Variants in TRHDE observed in about 807,000 individuals in gnomAD.
TRHDE encodes thyrotropin-releasing hormone-degrading ectoenzyme.
In TRHDE, 72 loss-of-function variants were observed where a neutral mutation model predicts 125.7. The observed-to-expected ratio is 0.57, with a 90% CI of 0.47 to 0.70. TRHDE has a LOEUF of 0.70. TRHDE is among the 30% of genes least tolerant of loss of function. The probability of loss-of-function intolerance (pLI) is 0.00; values close to 1 mark genes in which losing one functional copy is unlikely to be tolerated. For synonymous variants in TRHDE, 509 were observed against 509.1 expected (o/e 1.00, Z 0.00); for missense variants, 1,110 against 1,327.1 (o/e 0.84, Z 2.54).
At chr12:72,221,351 A>C (rs1009220731) in intron 2 of TRHDE, among the ~76,000 whole-genome samples, 19 of 152,128 alleles carry the variant, frequency 1.2e-4, no homozygotes, top group African/African-American at 4.3e-4. Context: ...GAAAGCTTAA[A>C]TATATGAAGA....
chr12:72,622,809 C>T (rs1012303731), intron 15 of TRHDE, among the ~76,000 whole-genome samples: 12 of 152,044 alleles, frequency 7.9e-5, no homozygotes, highest in African/African-American at 2.9e-4. Context: ...GAATCTTTCA[C>T]TACATTATTT....
At chr12:72,209,892 T>C (rs539382871) in intron 2 of TRHDE, among the ~76,000 whole-genome samples, 1 of 152,206 alleles carries the variant, frequency 6.6e-6, no homozygotes, top group Non-Finnish European at 1.5e-5. Context: ...AAATCCTTCA[T>C]GCTGCTTGAA....
At chr12:72,158,995 C>T (rs964594117) in intron 2 of TRHDE, among the ~76,000 whole-genome samples, 1 of 152,174 alleles carries the variant, frequency 6.6e-6, no homozygotes, top group African/African-American at 2.4e-5. Context: ...TTAATATATT[C>T]AGAACTTCTA....
chr12:72,643,105 A>ATTC lies in TRHDE; in HGVS notation c.2676-9216_2676-9214dup, dbSNP rs1874135185. 2.6e-5 allele frequency among the ~76,000 whole-genome samples: 4 copies of ATTC among 152,256 alleles called. No homozygotes were observed. The South Asian group carries it at 8.3e-4, about 32-fold the overall frequency. On this transcript the variant is annotated intron_variant, in intron 15 of 18. Transcript: ENST00000261180. ...AAATGATCTTGTGAACTTTAGATTG[A>ATTC]TTCATCTGCTGCATGGATAAAAAAC... is the stretch of plus-strand genomic sequence containing the variant.
At chr12:72,190,916 C>G (rs1877325489) in intron 2 of TRHDE, among the ~76,000 whole-genome samples, 1 of 152,094 alleles carries the variant, frequency 6.6e-6, no homozygotes, top group African/African-American at 2.4e-5. Flanking sequence ...TAAATAAGCC[C>G]TTTGTGTTGT....
chr12:72,160,490 T>C (rs1267607563), intron 2 of TRHDE, among the ~76,000 whole-genome samples: 1 of 152,018 alleles, frequency 6.6e-6, no homozygotes, highest in Non-Finnish European at 1.5e-5. Flanking sequence ...TTTTCAACAC[T>C]AGCCTGCCAA....
intron 6 of TRHDE, among the ~76,000 whole-genome samples, chr12:72,520,821 A>G (rs1879159766): frequency 1.3e-5 from 2 of 152,198 alleles, no homozygotes; most frequent in South Asian, 4.1e-4. Context: ...CAATTTTATC[A>G]TCTATATTCT....
intron 2 of TRHDE, among the ~76,000 whole-genome samples, chr12:72,131,979 A>G (rs977767459): frequency 6.6e-6 from 1 of 152,234 alleles, no homozygotes; most frequent in Non-Finnish European, 1.5e-5. Context: ...ATCAAGGACA[A>G]TAATACAACC....
intron 1 of TRHDE, among the ~76,000 whole-genome samples, chr12:72,279,398 C>CCAT (rs1565682114): frequency 5.3e-5 from 8 of 152,098 alleles, no homozygotes; most frequent in African/African-American, 1.4e-4. Context: ...TTCATCATCA[C>CCAT]CATCATCATC....
At chr12:72,437,477 T>G (rs1226290609) in intron 3 of TRHDE, among the ~76,000 whole-genome samples, 2 of 151,910 alleles carry the variant, frequency 1.3e-5, no homozygotes, top group Non-Finnish European at 2.9e-5. Context: ...CAAACAATAC[T>G]GAATGGGAAA....
chr12:72,302,343 G>A (rs375497175), intron 2 of TRHDE, among the ~76,000 whole-genome samples: 5 of 151,824 alleles, frequency 3.3e-5, no homozygotes, highest in Non-Finnish European at 5.9e-5. Flanking sequence ...GGAGGAAAAC[G>A]ACATACAACT....
At chr12:72,409,061 G>T (rs1355607006) in intron 3 of TRHDE, among the ~76,000 whole-genome samples, 1 of 152,086 alleles carries the variant, frequency 6.6e-6, no homozygotes, top group African/African-American at 2.4e-5. Flanking sequence ...AAGCATGACA[G>T]GTGGAAAGAA....
At chr12:72,290,202 G>A (rs1329309760) in intron 2 of TRHDE, among the ~76,000 whole-genome samples, 3 of 152,158 alleles carry the variant, frequency 2.0e-5, no homozygotes, top group African/African-American at 7.2e-5. Flanking sequence ...AGCAGATACT[G>A]TGTGCATATA....
chr12:72,214,063 G>A (rs941995138), intron 2 of TRHDE, among the ~76,000 whole-genome samples: 5 of 151,026 alleles, frequency 3.3e-5, no homozygotes, highest in African/African-American at 1.2e-4. Context: ...TTTACTCAAT[G>A]AAGATCAAGA....
intron 2 of TRHDE, among the ~76,000 whole-genome samples, chr12:72,132,708 CTCT>C (rs1875892214): frequency 6.6e-6 from 1 of 152,182 alleles, no homozygotes; most frequent in Admixed American, 6.5e-5. Flanking sequence ...CACATGCCAG[CTCT>C]GTGCTGGGTG....
At chr12:72,642,058 A>G (rs377662084) in intron 15 of TRHDE, among the ~76,000 whole-genome samples, 65 of 152,330 alleles carry the variant, frequency 4.3e-4, no homozygotes, top group African/African-American at 1.5e-3. Context: ...GCAAGAAGTC[A>G]GCAGTCTACA....
chr12:72,317,778 G>A (rs1278253198), intron 2 of TRHDE, among the ~76,000 whole-genome samples: 1 of 152,138 alleles, frequency 6.6e-6, no homozygotes, highest in Non-Finnish European at 1.5e-5. Context: ...GGGAATTATA[G>A]GATGGAATGG....
At chr12:72,136,511 T>C (rs1234308009) in intron 2 of TRHDE, among the ~76,000 whole-genome samples, 1 of 152,176 alleles carries the variant, frequency 6.6e-6, no homozygotes, top group Non-Finnish European at 1.5e-5. Context: ...AAGAAGGAAG[T>C]AAAATGAACT....
intron 2 of TRHDE, among the ~76,000 whole-genome samples, chr12:72,361,541 G>A (rs1277351408): frequency 1.3e-5 from 2 of 149,962 alleles, no homozygotes; most frequent in African/African-American, 2.5e-5. Flanking sequence ...ATGAGTAGGT[G>A]TTTTATAATT....
Sources: allele counts gnomAD v4.1 joint callset (sites outside exome capture counted in the v4.1 genomes callset), GRCh38; gene constraint gnomAD v4.1.1; transcripts MANE v1.5; gene names NCBI Gene and HGNC (gene_info 2026-07-23, HGNC 2026-07-21).